Variants in KLF12 observed in about 807,000 individuals in gnomAD.
KLF12 encodes Krueppel-like factor 12.
Under a neutral mutation model 37.8 loss-of-function variants are expected in KLF12, and 9 were observed. That is an observed-to-expected ratio of 0.24 (90% confidence interval 0.14 to 0.42). KLF12 has a LOEUF of 0.42. Among genes scored for constraint, KLF12 ranks in the 10% least tolerant of loss-of-function variants. The pLI is 1.00. For synonymous variants in KLF12, 208 were observed against 202.1 expected, an observed-to-expected ratio of 1.03 and a Z score of -0.25; for missense variants, 411 against 516.0, an observed-to-expected ratio of 0.80 and a Z score of 1.97.
chr13:74,097,498 A>G (rs973808301), intron 1 of KLF12, among the ~76,000 whole-genome samples: 3 of 152,158 alleles, frequency 2.0e-5, no homozygotes. Flanking sequence ...TTGAATTTCT[A>G]AAATCCATTA....
chr13:74,130,614 C>G (rs1010778272), intron 1 of KLF12, among the ~76,000 whole-genome samples: 1 of 150,040 alleles, frequency 6.7e-6, no homozygotes, highest in Non-Finnish European at 1.5e-5. Flanking sequence ...CCACTGCAGT[C>G]CCGCCTGGGT....
At chr13:73,995,632 A>G (rs995362419) in intron 1 of KLF12, among the ~76,000 whole-genome samples, 2 of 152,210 alleles carry the variant, frequency 1.3e-5, no homozygotes, top group African/African-American at 4.8e-5. Flanking sequence ...CTAAATTAAT[A>G]TATGTCCCTT....
At chr13:74,110,758 T>C (rs1200727207) in intron 1 of KLF12, among the ~76,000 whole-genome samples, 1 of 152,094 alleles carries the variant, frequency 6.6e-6, no homozygotes, top group African/African-American at 2.4e-5. Context: ...GGCACTGAGG[T>C]GAGAGATACA....
intron 1 of KLF12, among the ~76,000 whole-genome samples, chr13:74,116,904 GAA>G (rs1877337650): frequency 6.6e-6 from 1 of 152,150 alleles, no homozygotes; most frequent in East Asian, 1.9e-4. Context: ...CCAAGATAAT[GAA>G]AAGTTAGCCA....
chr13:74,079,217 C>T (rs1874741506), intron 1 of KLF12, among the ~76,000 whole-genome samples: 1 of 149,594 alleles, frequency 6.7e-6, no homozygotes, highest in African/African-American at 2.4e-5. Flanking sequence ...GAACGGGTAC[C>T]AGGGGCTGAG....
rs370930088 is a variant in KLF12 at position 73,813,503 on chromosome 13, G to A, written c.671-216C>T. 7.0e-4 allele frequency among the ~76,000 whole-genome samples: 107 copies of A among 152,184 alleles called. No individual in the cohort carries two copies. The East Asian group carries it at 0.015, about 21-fold the overall frequency. On this transcript the variant is annotated intron_variant, in intron 4 of 7. Coordinates refer to ENST00000377669, the MANE Select transcript of KLF12 (RefSeq NM_007249.5). ...TTACAAAACCTAAACCAGCTCTCAA[G>A]AATTTCAGGGTATGGTTATAGAATA...
the KLF12 span, among the ~76,000 whole-genome samples, chr13:74,155,808 T>C: frequency 6.6e-6 from 1 of 152,196 alleles, no homozygotes; most frequent in Non-Finnish European, 1.5e-5. Context: ...TTCGGGATAA[T>C]CTGTGTTGAG....
At chr13:73,924,588 T>G (rs1315239299) in intron 3 of KLF12, among the ~76,000 whole-genome samples, 1 of 152,016 alleles carries the variant, frequency 6.6e-6, no homozygotes, top group Non-Finnish European at 1.5e-5. Context: ...AGCCCCCTAT[T>G]CCCTGAGACA....
At chr13:73,933,479 T>C (rs1442544199) in intron 3 of KLF12, among the ~76,000 whole-genome samples, 1 of 152,176 alleles carries the variant, frequency 6.6e-6, no homozygotes, top group Non-Finnish European at 1.5e-5. Context: ...TTATCAGACA[T>C]AAGAATTCCA....
chr13:74,200,348 G>A, the KLF12 span, among the ~76,000 whole-genome samples: 2 of 152,108 alleles, frequency 1.3e-5, no homozygotes, highest in Admixed American at 6.6e-5. Context: ...AGAACTGACC[G>A]GCTGGGGGAA....
At chr13:73,885,561 G>C (rs1385874833) in intron 3 of KLF12, among the ~76,000 whole-genome samples, 1 of 152,150 alleles carries the variant, frequency 6.6e-6, no homozygotes, top group Non-Finnish European at 1.5e-5. Flanking sequence ...CTTTAAAACA[G>C]GTGGTCACAC....
In KLF12 at chr13:73,935,626, G is replaced by GATTT. The variant is rs909465751; in HGVS notation, c.123+8351_123+8354dup. On this transcript the variant is annotated intron_variant, in intron 3 of 7. Coordinates refer to ENST00000377669, the MANE Select transcript of KLF12 (RefSeq NM_007249.5). Reference sequence around the variant, plus strand: ...GAGCTCCCACTTTGCTTTCTGCCATGATTTATTTATTTATTTATTTTTGAG... The same window carrying GATTT: ...GAGCTCCCACTTTGCTTTCTGCCATGATTTATTTATTTATTTATTTATTTTTGAG... Among the ~76,000 whole-genome samples the GATTT allele has an allele frequency of 5.3e-5, 8 of 151,996 alleles. No homozygotes were observed. In the East Asian group the frequency reaches 5.8e-4, roughly 11 times the overall value.
intron 5 of KLF12, among the ~76,000 whole-genome samples, chr13:73,791,789 G>A (rs1466939151): frequency 1.3e-5 from 2 of 152,122 alleles, no homozygotes; most frequent in African/African-American, 4.8e-5. Flanking sequence ...CAGTCCTATT[G>A]TCAGATCAAA....
intron 1 of KLF12, among the ~76,000 whole-genome samples, chr13:74,010,854 C>T (rs774100845): frequency 7.9e-5 from 12 of 152,106 alleles, no homozygotes; most frequent in Non-Finnish European, 1.8e-4. Flanking sequence ...TACAGAGAGG[C>T]AATAGAAGAC....
At chr13:73,814,165 A>C (rs140823915) in intron 4 of KLF12, among the ~76,000 whole-genome samples, 2 of 152,230 alleles carry the variant, frequency 1.3e-5, no homozygotes, top group African/African-American at 4.8e-5. Flanking sequence ...CAAACTAGGC[A>C]TATCTTTTCA....
chr13:74,273,148 T>C, the KLF12 span, among the ~76,000 whole-genome samples: 1 of 152,188 alleles, frequency 6.6e-6, no homozygotes, highest in Non-Finnish European at 1.5e-5. Flanking sequence ...GAAATAATCG[T>C]GAAGAAGTCA....
intron 1 of KLF12, among the ~76,000 whole-genome samples, chr13:74,057,890 G>T (rs934969093): frequency 6.6e-6 from 1 of 151,648 alleles, no homozygotes; most frequent in African/African-American, 2.4e-5. Flanking sequence ...AGAATCAGAT[G>T]AAAACAGAGA....
chr13:73,703,063 T>C (rs17090354), intron 7 of KLF12, among the ~76,000 whole-genome samples: 13,927 of 152,106 alleles, frequency 0.092, 814 homozygotes, highest in Middle Eastern at 0.18. Flanking sequence ...CTATATGAGA[T>C]TGATCCAAGG....
chr13:73,929,279 T>C (rs1351150238), intron 3 of KLF12, among the ~76,000 whole-genome samples: 1 of 152,188 alleles, frequency 6.6e-6, no homozygotes, highest in Non-Finnish European at 1.5e-5. Flanking sequence ...CTTCAGGTTG[T>C]AGTCACTGCT....
Sources: gnomAD v4.1 joint callset for allele counts (sites outside exome capture counted in the v4.1 genomes callset) on GRCh38, gnomAD v4.1.1 for gene constraint, MANE v1.5 for transcripts, NCBI Gene and HGNC (gene_info 2026-07-23, HGNC 2026-07-21) for gene names.